PSMD1: variants seen among roughly 807,000 people sequenced by gnomAD.
PSMD1 encodes proteasome 26S subunit, non-ATPase 1.
PSMD1 carries 18 observed loss-of-function variants against 119.0 expected under a neutral mutation model. The ratio of observed to expected loss-of-function variants is 0.15; its 90% CI spans 0.10 to 0.22. PSMD1 has a LOEUF of 0.22. Among genes scored for constraint, PSMD1 ranks in the 10% least tolerant of loss-of-function variants. The probability of loss-of-function intolerance (pLI) is 1.00; values close to 1 mark genes in which losing one functional copy is unlikely to be tolerated. For missense variants in PSMD1, 702 were observed against 1,158.5 expected (o/e 0.61, Z 5.72); for synonymous variants, 374 against 396.6 (o/e 0.94, Z 0.68).
In PSMD1 at chr2:231,154,074, T is replaced by C. The variant is rs181570169; in HGVS notation, c.2218+408T>C. Among the ~76,000 whole-genome samples the C allele has an allele frequency of 2.1e-3, 309 of 150,246 alleles. 1 individual carries two copies. The highest frequency in any genetic ancestry group is 7.2e-3 in the African/African-American group (294 of 40,770). On this transcript the variant is annotated intron_variant, in intron 19 of 24. Transcript: ENST00000308696. ...GTTGCAGTGAGTCGAGATCGCGCCA[T>C]TGCACTCCAGCCGGGGCAACAAGAG...
intron 4 of PSMD1, among the ~76,000 whole-genome samples, chr2:231,066,248 G>A (rs1188420581): frequency 1.3e-5 from 2 of 152,180 alleles, no homozygotes; most frequent in African/African-American, 4.8e-5. Context: ...GGAAATCTTT[G>A]GAACTGCCTT....
chr2:231,065,938 A>G (rs575055060), intron 4 of PSMD1, among the ~76,000 whole-genome samples: 1 of 152,354 alleles, frequency 6.6e-6, no homozygotes, highest in South Asian at 2.1e-4. Context: ...CAGATGTCCC[A>G]TAAGAGTACA....
intron 7 of PSMD1, among the ~76,000 whole-genome samples, chr2:231,074,381 C>T (rs1350412926): frequency 6.6e-6 from 1 of 152,152 alleles, no homozygotes. Context: ...TCTGGGATTA[C>T]GGGTGTGAGC....
At position 231,070,186 on chromosome 2, in the gene PSMD1, T is replaced by C; in HGVS notation, c.654+18T>C. On this transcript the variant is annotated intron_variant, in intron 6 of 24. Transcript: ENST00000308696. ...TTTGTCAGGTAATGACATTAAATTATGTTTCATTACATTGCTCCACGCTGT... is the reference window on the plus strand; with the variant it reads ...TTTGTCAGGTAATGACATTAAATTACGTTTCATTACATTGCTCCACGCTGT... 1 of 1,513,290 alleles carries C rather than the reference T, an allele frequency of 6.6e-7. No homozygotes were observed. The highest frequency in any genetic ancestry group is 8.8e-7 in the Non-Finnish European group (1 of 1,135,110). The allele number at this position is 1,513,290 out of a possible 1,614,324, so 93.7% of individuals were successfully genotyped here. A position where few individuals can be genotyped will look rare whatever the true frequency, so the allele number is the denominator to read the frequency against.
Position 231,146,278 on chromosome 2 carries a change from C to T in PSMD1, c.2037C>T (p.Pro679=), listed in dbSNP as rs770175167. 1.7e-5 allele frequency: 27 copies of T among 1,613,506 alleles called. No individual in the cohort carries two copies. Among genetic ancestry groups the T allele is most frequent in the East Asian group, 2.2e-5 (1 of 44,846 alleles). Residue 679 remains proline (P), a synonymous_variant, in exon 18 of 25, where the codon CCC becomes CCT. Coordinates refer to ENST00000308696, the MANE Select transcript of PSMD1 (RefSeq NM_002807.4). ...INLLEPMTND[P]VNYVRQGALI... The stretch of plus-strand genomic sequence containing the variant: ...TGCTAGAACCAATGACAAACGACCC[C>T]GTGAACTACGTGAGGCAAGGGGCAC...
rs1370559966 is a variant in PSMD1, at chr2:231,066,984, A to G, written c.383A>G (p.Gln128Arg). The part of the protein sequence containing the change: ...LPEGEKKPID[Q>R]RLEGIVNKMF... ...GAAGGAGAAAAAAAACCAATTGACC[A>G]GAGATTGGAAGGCATCGTAAATAAA... Residue 128 changes from glutamine to arginine, a missense_variant, in exon 5 of 25, where the codon CAG becomes CGG. Gln to Arg is a conservative substitution (Grantham distance 43, BLOSUM62 1). Around this residue, in one of 9 missense-constraint regions of PSMD1, gnomAD observed 50 missense variants for 41.8 expected, o/e 1.20. Coordinates refer to ENST00000308696, the MANE Select transcript of PSMD1 (RefSeq NM_002807.4). The G allele has an allele frequency of 6.2e-7, 1 of 1,613,452 alleles. No individual in the cohort carries two copies. The highest frequency in any genetic ancestry group is 2.2e-5 in the East Asian group (1 of 44,866).
intron 16 of PSMD1, among the ~76,000 whole-genome samples, chr2:231,098,093 A>G (rs1271229895): frequency 6.6e-6 from 1 of 152,248 alleles, no homozygotes; most frequent in Non-Finnish European, 1.5e-5. Context: ...GCTGACCCGC[A>G]GGGTGCCGGA....
rs941511523 is a variant in PSMD1 at position 231,172,792 on chromosome 2, T to C, written c.*267T>C. The C allele has an allele frequency of 1.3e-5, 2 of 152,284 alleles. No individual in the cohort carries two copies. The highest frequency in any genetic ancestry group is 1.3e-4 in the Admixed American group (2 of 15,294). 9.4% of individuals were successfully genotyped at this position (152,284 alleles called of 1,614,324 possible). A position where few individuals can be genotyped will look rare whatever the true frequency, so the allele number is the denominator to read the frequency against. On this transcript the variant is annotated 3_prime_UTR_variant, in exon 25 of 25. Transcript: ENST00000308696. ...TTTTTCAGCCTGGGTTTTTAATAAA[T>C]GTATCTAATCCTCCCCACACCATGA... is the stretch of plus-strand genomic sequence containing the variant.
intron 16 of PSMD1, chr2:231,123,667 C>T (rs1695633849): frequency 3.1e-6 from 5 of 1,613,884 alleles, no homozygotes; most frequent in African/African-American, 2.7e-5. Context: ...TGTCTGTAAT[C>T]CAGACCAGTT....
At chr2:231,090,457 G>A (rs1694563926) in intron 16 of PSMD1, among the ~76,000 whole-genome samples, 1 of 152,310 alleles carries the variant, frequency 6.6e-6, no homozygotes, top group Admixed American at 6.5e-5. Context: ...TACTCAGGAG[G>A]CTGAGGCAGG....
chr2:231,128,766 G>A (rs944994006), intron 16 of PSMD1, among the ~76,000 whole-genome samples: 3 of 152,150 alleles, frequency 2.0e-5, no homozygotes, highest in African/African-American at 7.2e-5. Context: ...GTCTAGGAGT[G>A]GGGGTGTGGT....
intron 16 of PSMD1, among the ~76,000 whole-genome samples, chr2:231,098,429 C>T (rs990261886): frequency 6.6e-6 from 1 of 152,012 alleles, no homozygotes; most frequent in South Asian, 2.1e-4. Flanking sequence ...CTGACTCCCT[C>T]TTTGTCTCTC....
At chr2:231,108,980 ATC>A in intron 16 of PSMD1, 1 of 1,614,190 alleles carries the variant, frequency 6.2e-7, no homozygotes, top group East Asian at 2.2e-5. Context: ...GAAAAACACA[ATC>A]CCTAGGACCT....
At chr2:231,134,907 A>C (rs1695933990) in intron 16 of PSMD1, among the ~76,000 whole-genome samples, 1 of 152,210 alleles carries the variant, frequency 6.6e-6, no homozygotes, top group Non-Finnish European at 1.5e-5. Context: ...CTTAGTAGAA[A>C]ATACTTGCTG....
intron 16 of PSMD1, among the ~76,000 whole-genome samples, chr2:231,137,199 C>T (rs1274340647): frequency 1.3e-5 from 2 of 151,284 alleles, no homozygotes; most frequent in Non-Finnish European, 2.9e-5. Context: ...CTCACTGCAA[C>T]CTCTGCCTCC....
chr2:231,078,789 TTC>T (rs773416205), intron 10 of PSMD1, 42 bp downstream of exon 10: 39 of 1,197,016 alleles, frequency 3.3e-5, no homozygotes, highest in South Asian at 4.3e-5. Context: ...CAAAATCTTT[TTC>T]TTTTTTTTTT....
intron 19 of PSMD1, among the ~76,000 whole-genome samples, chr2:231,158,030 G>T (rs1245885355): frequency 6.6e-6 from 1 of 152,010 alleles, no homozygotes; most frequent in Non-Finnish European, 1.5e-5. Context: ...GTGGTAGTAG[G>T]CCTGGCTTAG....
At chr2:231,099,377 T>C (rs1160001640) in intron 16 of PSMD1, among the ~76,000 whole-genome samples, 13 of 152,202 alleles carry the variant, frequency 8.5e-5, no homozygotes, top group Admixed American at 8.5e-4. Context: ...CGTTACATCC[T>C]CATTCGACCC....
chr2:231,061,300 C>A lies in PSMD1; in HGVS notation c.50C>A (p.Pro17Gln). 1 of 1,596,246 alleles carries A rather than the reference C, an allele frequency of 6.3e-7. No individual in the cohort carries two copies. Among genetic ancestry groups the A allele is most frequent in the South Asian group, 1.1e-5 (1 of 89,880 alleles). Residue 17 changes from proline (P) to glutamine (Q), a missense_variant, in exon 2 of 25, where the codon CCA (proline) becomes CAA (glutamine). By Grantham distance (76) the Pro-to-Gln change is moderately conservative (BLOSUM62 -1). Around this residue, in one of 9 missense-constraint regions of PSMD1, gnomAD observed 60 missense variants for 118.2 expected, o/e 0.51. Coordinates refer to ENST00000308696, the MANE Select transcript of PSMD1 (RefSeq NM_002807.4). ...GIISLLDEDE[P>Q]QLKEFALHKL... ...ATTTCTCTTCTGGATGAAGATGAAC[C>A]ACAGCTTAAGGTATGAATTGAAGAA...
Sources: allele counts gnomAD v4.1 joint callset (sites outside exome capture counted in the v4.1 genomes callset), GRCh38; gene constraint gnomAD v4.1.1; regional missense constraint gnomAD v4.1.1; transcripts MANE v1.5; gene names NCBI Gene and HGNC (gene_info 2026-07-23, HGNC 2026-07-21).